Variants in MICALL2 observed in about 807,000 individuals in gnomAD.
The protein encoded by MICALL2 is MICAL like 2, also known as MICAL-like protein 2.
Under a neutral mutation model 91.1 loss-of-function variants are expected in MICALL2, and 111 were observed. The observed-to-expected ratio is 1.22, with a 90% CI of 1.04 to 1.43. The LOEUF (loss-of-function observed/expected upper bound fraction) is 1.43, where lower values mean the gene tolerates loss of function less well. Ranked by LOEUF, MICALL2 falls within the 40% of genes most tolerant of loss-of-function variation. The pLI is 0.00. For synonymous variants in MICALL2, 694 were observed against 525.3 expected (o/e 1.32, Z -4.39); for missense variants, 1,556 against 1,236.0 (o/e 1.26, Z -3.88).
intron 1 of MICALL2, 37 bp from the exon 2 acceptor site, chr7:1,450,325 A>C: frequency 6.3e-7 from 1 of 1,592,702 alleles, no homozygotes; most frequent in Non-Finnish European, 8.6e-7. Flanking sequence ...AGCAGCTCAG[A>C]GTCCACGAAG....
chr7:1,447,967 C>A, intron 3 of MICALL2: 1 of 424,274 alleles, frequency 2.4e-6, no homozygotes, highest in Admixed American at 4.2e-5. Context: ...CCACTCAGAG[C>A]CCCAGCTGGA....
At chr7:1,439,306 C>A (rs945546683) in intron 9 of MICALL2, 2 of 374,678 alleles carry the variant, frequency 5.3e-6, no homozygotes, top group South Asian at 9.9e-5. Flanking sequence ...TGTGCACACA[C>A]ACGCATCACA....
At chr7:1,438,480 C>A (rs1297733107) in intron 10 of MICALL2, 127 bp from the exon 11 acceptor site, 12 of 1,483,328 alleles carry the variant, frequency 8.1e-6, no homozygotes, top group Non-Finnish European at 9.0e-6. Flanking sequence ...CCTAATGCCC[C>A]ACACGCCCAC....
chr7:1,447,552 G>C (rs980991682), intron 4 of MICALL2, 23 bp downstream of exon 4: 2 of 1,414,358 alleles, frequency 1.4e-6, no homozygotes, highest in Non-Finnish European at 1.9e-6. Flanking sequence ...GAGAACCAGG[G>C]GGAGGGTGGG....
chr7:1,435,396 G>T (rs184637878), intron 15 of MICALL2, among the ~76,000 whole-genome samples: 19 of 152,228 alleles, frequency 1.2e-4, no homozygotes, highest in African/African-American at 4.6e-4. Context: ...CCACACAGGT[G>T]ACCTGGGACA....
At chr7:1,434,710 C>T (rs779808643) in intron 16 of MICALL2, 38 bp from the exon 17 acceptor site, 126 of 1,515,934 alleles carry the variant, frequency 8.3e-5, no homozygotes, top group Non-Finnish European at 1.1e-4. Context: ...TGCTCAACGC[C>T]GCAGCCGCAC....
At chr7:1,449,083 C>T (rs1201017324) in intron 2 of MICALL2, among the ~76,000 whole-genome samples, 1 of 152,368 alleles carries the variant, frequency 6.6e-6, no homozygotes, top group East Asian at 1.9e-4. Flanking sequence ...AGTCTTGAAA[C>T]AGCTCCCTCC....
chr7:1,459,327 G>A lies in MICALL2; in HGVS notation c.-1C>T. On this transcript the variant is annotated 5_prime_UTR_variant, in exon 1 of 17. Coordinates refer to ENST00000297508, the MANE Select transcript of MICALL2 (RefSeq NM_182924.4). ...GTTGCAGCGCCCTGATGGCCGCCATGTGGGCGGCGCGCCCGCCGCGCGGCG... is the reference window on the plus strand; with the variant it reads ...GTTGCAGCGCCCTGATGGCCGCCATATGGGCGGCGCGCCCGCCGCGCGGCG... 6.5e-7 allele frequency: 1 copy of A among 1,531,934 alleles called. No homozygotes were observed. The highest frequency in any genetic ancestry group is 8.8e-7 in the Non-Finnish European group (1 of 1,142,704). The allele number at this position is 1,531,934 out of a possible 1,614,324, so 94.9% of individuals were successfully genotyped here.
chr7:1,438,193 C>A lies in MICALL2; in HGVS notation c.2215G>T (p.Glu739Ter). Residue 739 changes from glutamate to a stop codon, truncating the protein, a stop_gained, in exon 12 of 17, where the codon GAG (glutamate) becomes TAG (stop). Coordinates refer to ENST00000297508, the MANE Select transcript of MICALL2 (RefSeq NM_182924.4). LOFTEE classifies it high-confidence loss of function. ...RLHPDYLSPE[E>*]IQRQLQDIER... ...ATGTCCTGCAGCTGCCTCTGTATCTCCTCCGGGGAGAGGTAGTCGGGGTGC... is the reference window on the plus strand; with the variant it reads ...ATGTCCTGCAGCTGCCTCTGTATCTACTCCGGGGAGAGGTAGTCGGGGTGC... The A allele has an allele frequency of 6.3e-7, 1 of 1,579,478 alleles. No individual in the cohort carries two copies. Among genetic ancestry groups the A allele is most frequent in the South Asian group, 1.2e-5 (1 of 86,714 alleles).
At chr7:1,445,514 C>A (rs1452719062) in intron 5 of MICALL2, 86 bp from the exon 6 acceptor site, 2 of 1,298,892 alleles carry the variant, frequency 1.5e-6, no homozygotes, top group Non-Finnish European at 2.1e-6. Context: ...GCAGGCATTG[C>A]GGACTCCTGT....
rs778100537 is a variant in MICALL2, at chr7:1,438,996, C to A, written c.1967-1G>T. ...CGGCGGGGTGGGGAGGGGGACCTGGCTGCCCCCAGGTGGGGAGACAGAGCC... is the reference window on the plus strand; with the variant it reads ...CGGCGGGGTGGGGAGGGGGACCTGGATGCCCCCAGGTGGGGAGACAGAGCC... On this transcript the variant is annotated splice_acceptor_variant, in intron 9 of 16. Transcript: ENST00000297508. LOFTEE classifies it high-confidence loss of function. The A allele has an allele frequency of 3.8e-6, 6 of 1,591,132 alleles. No homozygotes were observed. The African/African-American group carries it at 8.0e-5, about 21-fold the overall frequency.
intron 10 of MICALL2, 33 bp downstream of exon 10, chr7:1,438,807 A>T: frequency 6.4e-7 from 1 of 1,570,062 alleles, no homozygotes; most frequent in Non-Finnish European, 8.7e-7. Context: ...CTTCACGTAC[A>T]CCCCAAACAG....
chr7:1,442,376 G>A lies in MICALL2; in HGVS notation c.1527C>T (p.Gly509=), dbSNP rs1407526105. The A allele has an allele frequency of 3.1e-6, 5 of 1,610,838 alleles. No homozygotes were observed. In the South Asian group the frequency reaches 4.4e-5, roughly 14 times the overall value. Reference sequence around the variant, plus strand: ...CTGGCGGTTCCATCCTCGAAGGGAGGCCAAGCACCCGGGGAGACGAGGACT... The same window carrying A: ...CTGGCGGTTCCATCCTCGAAGGGAGACCAAGCACCCGGGGAGACGAGGACT... The part of the protein sequence containing the change: ...PLQSSSPRVL[G]LPSRMEPPAP... Residue 509 remains glycine (G), a synonymous_variant, in exon 7 of 17, where the codon GGC becomes GGT. Coordinates refer to ENST00000297508, the MANE Select transcript of MICALL2 (RefSeq NM_182924.4).
intron 1 of MICALL2, chr7:1,450,490 G>A (rs149533754): frequency 1.9e-5 from 11 of 582,322 alleles, no homozygotes; most frequent in Admixed American, 3.0e-5. Context: ...TGCTGGGACC[G>A]TAGTACGACA....
rs535085176 is a variant in MICALL2 at position 1,451,393 on chromosome 7, G to A, written c.144-1105C>T. Among the ~76,000 whole-genome samples the A allele has an allele frequency of 7.2e-5, 11 of 152,318 alleles. No individual in the cohort carries two copies. The highest frequency in any genetic ancestry group is 1.5e-4 in the Non-Finnish European group (10 of 68,026). Reference sequence around the variant, plus strand: ...TTAAATCATGATCTGGAAGCCGGGTGCAGTGGCTCACACCTGTAGTCCCAG... The same window carrying A: ...TTAAATCATGATCTGGAAGCCGGGTACAGTGGCTCACACCTGTAGTCCCAG... On this transcript the variant is annotated intron_variant, in intron 1 of 16. Coordinates refer to ENST00000297508, the MANE Select transcript of MICALL2 (RefSeq NM_182924.4). The surrounding 1 kb of genome is among the most constrained non-coding windows in gnomAD (Gnocchi z 4.5).
intron 7 of MICALL2, 105 bp downstream of exon 7, chr7:1,442,086 GC>G: frequency 7.8e-7 from 1 of 1,273,992 alleles, no homozygotes; most frequent in Non-Finnish European, 1.1e-6. Flanking sequence ...GGAGAGGAAG[GC>G]GGGCGGGGCT....
rs761313507 is a variant in MICALL2 at position 1,447,528 on chromosome 7, C to CG, written c.525+46dup. On this transcript the variant is annotated intron_variant, in intron 4 of 16. Coordinates refer to ENST00000297508, the MANE Select transcript of MICALL2 (RefSeq NM_182924.4). ...TCCCACAAGCCCCTTCTGCACCCCCCGGTGGAAAACCCAGAGAACCAGGGG... is the reference window on the plus strand; with the variant it reads ...TCCCACAAGCCCCTTCTGCACCCCCCGGGTGGAAAACCCAGAGAACCAGGGG... 4.5e-4 allele frequency: 468 copies of CG among 1,048,360 alleles called. 2 individuals are homozygous for CG. Among genetic ancestry groups the CG allele is most frequent in the Middle Eastern group, 4.4e-3 (12 of 2,710 alleles). 64.9% of individuals were successfully genotyped at this position (1,048,360 alleles called of 1,614,324 possible). A position where few individuals can be genotyped will look rare whatever the true frequency, so the allele number is the denominator to read the frequency against.
chr7:1,454,804 C>A (rs1335757797), intron 1 of MICALL2, among the ~76,000 whole-genome samples: 1 of 152,156 alleles, frequency 6.6e-6, no homozygotes, highest in African/African-American at 2.4e-5. Flanking sequence ...CTCCCCTGGC[C>A]CCCAACAATA....
At chr7:1,445,548 G>A (rs1025152861) in intron 5 of MICALL2, 120 bp from the exon 6 acceptor site, 13 of 931,702 alleles carry the variant, frequency 1.4e-5, no homozygotes, top group South Asian at 5.2e-5. Flanking sequence ...GTTGCTGAAC[G>A]CCCGCCCCGC....
Sources: allele counts gnomAD v4.1 joint callset (sites outside exome capture counted in the v4.1 genomes callset), GRCh38; gene constraint gnomAD v4.1.1; non-coding constraint Gnocchi (gnomAD v3.1); transcripts MANE v1.5; gene names NCBI Gene and HGNC (gene_info 2026-07-23, HGNC 2026-07-21).